Variants in PPM1H observed in about 807,000 individuals in gnomAD.
PPM1H encodes the protein protein phosphatase 1H.
PPM1H carries 27 observed loss-of-function variants against 54.9 expected under a neutral mutation model. The ratio of observed to expected loss-of-function variants is 0.49; its 90% CI spans 0.36 to 0.68. PPM1H has a LOEUF of 0.68. Among genes scored for constraint, PPM1H ranks in the 30% least tolerant of loss-of-function variants. PPM1H has a pLI of 0.00. For missense variants in PPM1H, 596 were observed against 667.8 expected, an observed-to-expected ratio of 0.89 and a Z score of 1.19; for synonymous variants, 305 against 270.8, an observed-to-expected ratio of 1.13 and a Z score of -1.24.
chr12:62,798,000 C>A lies in PPM1H; in HGVS notation c.756+3816G>T, dbSNP rs536926025. Among the ~76,000 whole-genome samples the A allele has an allele frequency of 2.6e-5, 4 of 152,240 alleles. No homozygotes were observed. The East Asian group carries it at 5.8e-4, about 22-fold the overall frequency. On this transcript the variant is annotated intron_variant, in intron 3 of 9. Transcript: ENST00000228705. ...CCACCCTTCCAGGTGCCATGAGAACCAAAGAATGGTGAGCTTCTCACTTAA... is the reference window on the plus strand; with the variant it reads ...CCACCCTTCCAGGTGCCATGAGAACAAAAGAATGGTGAGCTTCTCACTTAA...
In PPM1H at chr12:62,647,813, T is replaced by G; in HGVS notation, c.*676A>C. The G allele has an allele frequency of 6.6e-6, 1 of 151,840 alleles. No individual in the cohort carries two copies. The highest frequency in any genetic ancestry group is 1.9e-4 in the East Asian group (1 of 5,182). 9.4% of individuals were successfully genotyped at this position (151,840 alleles called of 1,614,324 possible). On this transcript the variant is annotated 3_prime_UTR_variant, in exon 10 of 10. Coordinates refer to ENST00000228705, the MANE Select transcript of PPM1H (RefSeq NM_020700.2). ...GGGGACAACCCAGCCTGGGTGGGAC[T>G]TGGACACAGAACTTCCTTAGCAGGG... is the stretch of plus-strand genomic sequence containing the variant.
At chr12:62,650,893 T>G (rs536898169) in intron 9 of PPM1H, among the ~76,000 whole-genome samples, 2 of 152,094 alleles carry the variant, frequency 1.3e-5, no homozygotes, top group Non-Finnish European at 2.9e-5. Flanking sequence ...AAGATTTGGG[T>G]GGGGACACAG....
chr12:62,855,432 G>C (rs1869348085), intron 1 of PPM1H, among the ~76,000 whole-genome samples: 1 of 152,152 alleles, frequency 6.6e-6, no homozygotes, highest in South Asian at 2.1e-4. Flanking sequence ...TTATCTCTGA[G>C]GCAATGAGCA....
intron 1 of PPM1H, among the ~76,000 whole-genome samples, chr12:62,853,138 C>T (rs374585790): frequency 6.6e-6 from 1 of 151,704 alleles, no homozygotes; most frequent in Non-Finnish European, 1.5e-5. Flanking sequence ...AGAAGTTTCT[C>T]GGGGGCAATA....
At position 62,811,641 on chromosome 12, in the gene PPM1H, G is replaced by T. The variant is rs556320932; in HGVS notation, c.412-9481C>A. Among the ~76,000 whole-genome samples the T allele has an allele frequency of 3.8e-4, 58 of 152,244 alleles. 1 individual carries two copies. Among genetic ancestry groups the T allele is most frequent in the African/African-American group, 1.4e-3 (57 of 41,538 alleles). ...CGGAGGTCATTGAATCATGGGGGTG[G>T]TCACCTCCATGCTGTTCTTGTGATA... On this transcript the variant is annotated intron_variant, in intron 2 of 9. Transcript: ENST00000228705.
At chr12:62,851,999 T>A (rs755445134) in intron 1 of PPM1H, among the ~76,000 whole-genome samples, 3 of 151,880 alleles carry the variant, frequency 2.0e-5, no homozygotes, top group Non-Finnish European at 4.4e-5. Flanking sequence ...TTTGGGAGGC[T>A]GAGGTGGGTG....
At chr12:62,686,074 G>T (rs1241658296) in intron 8 of PPM1H, among the ~76,000 whole-genome samples, 1 of 152,174 alleles carries the variant, frequency 6.6e-6, no homozygotes, top group Non-Finnish European at 1.5e-5. Context: ...CACGAATGCT[G>T]AAGTGACCAA....
intron 6 of PPM1H, among the ~76,000 whole-genome samples, chr12:62,694,511 AAT>A (rs572094014): frequency 1.2e-3 from 185 of 152,308 alleles, no homozygotes; most frequent in African/African-American, 4.3e-3. Flanking sequence ...TTTGTTTCAC[AAT>A]AGCTTTTAAA....
In PPM1H at chr12:62,673,715, C is replaced by CTTTTTTTTTTTTTTTTTTTTT. The variant is rs567775927; in HGVS notation, c.1246-6407_1246-6387dup. ...GCTTTGTGACTTGAGAAGAGCCACT[C>CTTTTTTTTTTTTTTTTTTTTT]TTTTTTTTTTTTTTTTTTTTTTTTT... is the stretch of plus-strand genomic sequence containing the variant. On this transcript the variant is annotated intron_variant, in intron 8 of 9. Transcript: ENST00000228705. 2.1e-3 allele frequency among the ~76,000 whole-genome samples: 88 copies of CTTTTTTTTTTTTTTTTTTTTT among 41,964 alleles called. 24 individuals carry two copies. Among genetic ancestry groups the CTTTTTTTTTTTTTTTTTTTTT allele is most frequent in the East Asian group, 4.0e-3 (6 of 1,486 alleles). 27.5% of individuals were successfully genotyped at this position (41,964 alleles called of 152,430 possible).
intron 4 of PPM1H, among the ~76,000 whole-genome samples, chr12:62,766,260 G>A (rs913834552): frequency 2.0e-5 from 3 of 152,120 alleles, no homozygotes; most frequent in Non-Finnish European, 4.4e-5. Context: ...AGAAAACTAT[G>A]CTAGTTCTGG....
At chr12:62,663,845 G>C (rs1229751910) in intron 9 of PPM1H, among the ~76,000 whole-genome samples, 1 of 152,144 alleles carries the variant, frequency 6.6e-6, no homozygotes, top group Non-Finnish European at 1.5e-5. Context: ...TACAAAATTA[G>C]CTGGGCGTGG....
At chr12:62,659,573 G>A (rs11174589) in intron 9 of PPM1H, among the ~76,000 whole-genome samples, 33,638 of 152,100 alleles carry the variant, frequency 0.22, 3,898 homozygotes, top group Middle Eastern at 0.34. Context: ...GGAAGACAAT[G>A]CTGGCAATTT....
intron 2 of PPM1H, among the ~76,000 whole-genome samples, chr12:62,816,398 G>C (rs1387198667): frequency 3.9e-5 from 6 of 152,210 alleles, no homozygotes; most frequent in Middle Eastern, 6.3e-3. Flanking sequence ...TTCTACACCT[G>C]ATCTCAGTGG....
chr12:62,858,957 T>A (rs943588256), intron 1 of PPM1H, among the ~76,000 whole-genome samples: 1 of 152,212 alleles, frequency 6.6e-6, no homozygotes, highest in Admixed American at 6.5e-5. Context: ...CTTCCTTTAT[T>A]CTAATTGTCA....
At chr12:62,819,425 C>T (rs2076888998) in intron 2 of PPM1H, among the ~76,000 whole-genome samples, 1 of 152,168 alleles carries the variant, frequency 6.6e-6, no homozygotes, top group Non-Finnish European at 1.5e-5. Context: ...CCGTACCTGG[C>T]CAAACATTGC....
intron 8 of PPM1H, among the ~76,000 whole-genome samples, chr12:62,671,099 C>T (rs2075953988): frequency 1.3e-5 from 2 of 152,286 alleles, no homozygotes; most frequent in South Asian, 4.2e-4. Flanking sequence ...TGTTGTTGGC[C>T]TTACTCAATC....
chr12:62,821,120 C>T (rs12818081), intron 2 of PPM1H, among the ~76,000 whole-genome samples: 1 of 151,932 alleles, frequency 6.6e-6, no homozygotes, highest in African/African-American at 2.4e-5. Flanking sequence ...AACTACGTAA[C>T]GCATGCACAA....
chr12:62,895,915 C>A (rs1033733337), intron 1 of PPM1H, among the ~76,000 whole-genome samples: 1 of 152,126 alleles, frequency 6.6e-6, no homozygotes, highest in African/African-American at 2.4e-5. Context: ...AATTACCCAG[C>A]CTCAGGTATT....
chr12:62,865,044 G>A (rs532614334), intron 1 of PPM1H, among the ~76,000 whole-genome samples: 144 of 152,172 alleles, frequency 9.5e-4, no homozygotes, highest in African/African-American at 3.2e-3. Flanking sequence ...ATTCTCTCTC[G>A]GCAGAGGGAA....
Sources: gnomAD v4.1 joint callset for allele counts (sites outside exome capture counted in the v4.1 genomes callset) on GRCh38, gnomAD v4.1.1 for gene constraint, MANE v1.5 for transcripts, NCBI Gene and HGNC (gene_info 2026-07-23, HGNC 2026-07-21) for gene names.